The following ARHGAP15 variants were observed in gnomAD, a reference collection of about 807,000 sequenced individuals.
ARHGAP15 encodes rho GTPase-activating protein 15.
Under a neutral mutation model 63.7 loss-of-function variants are expected in ARHGAP15, and 51 were observed. That is an observed-to-expected ratio of 0.80 (90% CI 0.64 to 1.01). ARHGAP15 has a LOEUF of 1.01. Ranked by LOEUF, ARHGAP15 falls within the 50% of genes least tolerant of loss-of-function variation. ARHGAP15 has a pLI of 0.00. For missense variants in ARHGAP15, 560 were observed against 564.6 expected (o/e 0.99, Z 0.08); for synonymous variants, 191 against 193.8 (o/e 0.99, Z 0.12).
rs1491041327 is a variant in ARHGAP15, at chr2:143,330,130, AAC to A, written c.474+79531_474+79532del. Among the ~76,000 whole-genome samples, 123 of 83,514 alleles carry A rather than the reference AAC, an allele frequency of 1.5e-3. 8 individuals are homozygous for A. Among genetic ancestry groups the A allele is most frequent in the Admixed American group, 2.9e-3 (16 of 5,586 alleles). The allele number at this position is 83,514 out of a possible 152,430, so 54.8% of individuals were successfully genotyped here. ...AAAAAAAAAAAAAAAAAAAAAAAAAAACCAAAAACAAAAAACTAAACTAATGA... is the reference window on the plus strand; with the variant it reads ...AAAAAAAAAAAAAAAAAAAAAAAAAACAAAAACAAAAAACTAAACTAATGA... On this transcript the variant is annotated intron_variant, in intron 6 of 13. Transcript: ENST00000295095.
At position 143,688,470 on chromosome 2, in the gene ARHGAP15, G is replaced by C. The variant is rs550401557; in HGVS notation, c.1139-14949G>C. ...GTGGACCACAAGAAAGGCATTTCCT[G>C]TCACCAAGAGCTAAGTGGAAGCCAG... is the stretch of plus-strand genomic sequence containing the variant. On this transcript the variant is annotated intron_variant, in intron 12 of 13. Transcript: ENST00000295095. 2.6e-4 allele frequency among the ~76,000 whole-genome samples: 39 copies of C among 152,266 alleles called. No individual in the cohort carries two copies. The South Asian group carries it at 7.9e-3, about 31-fold the overall frequency.
chr2:143,540,720 C>A (rs1483674761), intron 10 of ARHGAP15, among the ~76,000 whole-genome samples: 2 of 152,284 alleles, frequency 1.3e-5, no homozygotes, highest in Admixed American at 6.5e-5. Context: ...TCTCTTCTGG[C>A]TTGTAGAGTT....
chr2:143,348,151 C>A (rs1041950560), intron 6 of ARHGAP15, among the ~76,000 whole-genome samples: 1 of 152,110 alleles, frequency 6.6e-6, no homozygotes, highest in Non-Finnish European at 1.5e-5. Flanking sequence ...ATGTCACAGT[C>A]ATTTTTGTCA....
chr2:143,719,067 GACA>G (rs1684933243), intron 13 of ARHGAP15, among the ~76,000 whole-genome samples: 1 of 152,180 alleles, frequency 6.6e-6, no homozygotes, highest in African/African-American at 2.4e-5. Context: ...ATTTCAAAGA[GACA>G]ACAAGTAGAA....
intron 6 of ARHGAP15, among the ~76,000 whole-genome samples, chr2:143,426,540 C>T (rs1356879555): frequency 6.6e-6 from 1 of 152,112 alleles, no homozygotes; most frequent in Non-Finnish European, 1.5e-5. Flanking sequence ...CAGAGAGAGT[C>T]CTCAGCTGCT....
intron 12 of ARHGAP15, chr2:143,640,947 A>G (rs1680569861): frequency 1.3e-5 from 2 of 152,148 alleles, no homozygotes; most frequent in South Asian, 2.1e-4. Context: ...CATCAGGGCC[A>G]TGTATGAACA....
At chr2:143,418,178 A>T (rs1290945605) in intron 6 of ARHGAP15, among the ~76,000 whole-genome samples, 2 of 152,188 alleles carry the variant, frequency 1.3e-5, no homozygotes, top group African/African-American at 4.8e-5. Context: ...CAACAACAGG[A>T]AGAGGATAAA....
chr2:143,346,234 T>TCACACACA (rs1558909751), intron 6 of ARHGAP15, among the ~76,000 whole-genome samples: 2 of 79,060 alleles, frequency 2.5e-5, no homozygotes, highest in African/African-American at 1.1e-4. Flanking sequence ...ACACACTCTC[T>TCACACACA]CTCACACACA....
At chr2:143,499,293 G>A (rs1234072457) in intron 9 of ARHGAP15, among the ~76,000 whole-genome samples, 1 of 152,144 alleles carries the variant, frequency 6.6e-6, no homozygotes, top group Non-Finnish European at 1.5e-5. Flanking sequence ...TGCTTTTGCA[G>A]CCAATTCAGA....
At chr2:143,460,487 G>A (rs909042117) in intron 8 of ARHGAP15, among the ~76,000 whole-genome samples, 1 of 152,124 alleles carries the variant, frequency 6.6e-6, no homozygotes, top group Non-Finnish European at 1.5e-5. Flanking sequence ...TCTTATCAAA[G>A]AGCTGGAATA....
At chr2:143,188,248 CATT>C (rs538372120) in intron 2 of ARHGAP15, among the ~76,000 whole-genome samples, 187 of 152,114 alleles carry the variant, frequency 1.2e-3, no homozygotes, top group African/African-American at 4.4e-3. Flanking sequence ...TACTAATTGA[CATT>C]ATTATTTTCT....
intron 6 of ARHGAP15, among the ~76,000 whole-genome samples, chr2:143,256,249 G>T (rs183544406): frequency 9.2e-5 from 14 of 152,106 alleles, no homozygotes; most frequent in Admixed American, 2.6e-4. Flanking sequence ...ATGTTTTGAG[G>T]GAAATTCCAG....
intron 6 of ARHGAP15, among the ~76,000 whole-genome samples, chr2:143,372,470 A>G (rs1686605664): frequency 6.6e-6 from 1 of 152,214 alleles, no homozygotes; most frequent in South Asian, 2.1e-4. Context: ...TTGAATTTTA[A>G]AATTGCTTGT....
intron 1 of ARHGAP15, among the ~76,000 whole-genome samples, chr2:143,153,062 A>G (rs977304574): frequency 3.3e-5 from 5 of 151,942 alleles, no homozygotes; most frequent in Admixed American, 6.6e-5. Flanking sequence ...CACTAGGCAA[A>G]TTATGGTTTG....
At chr2:143,579,125 A>T (rs1168798193) in intron 11 of ARHGAP15, among the ~76,000 whole-genome samples, 1 of 152,218 alleles carries the variant, frequency 6.6e-6, no homozygotes, top group Non-Finnish European at 1.5e-5. Context: ...GATGACAATG[A>T]TGCCAAAACT....
intron 13 of ARHGAP15, among the ~76,000 whole-genome samples, chr2:143,735,749 C>A (rs996588736): frequency 3.3e-5 from 5 of 151,894 alleles, no homozygotes; most frequent in Admixed American, 6.6e-5. Context: ...AGAAGAATGA[C>A]TAGAAGTCAA....
chr2:143,577,750 G>A (rs1214829230), intron 11 of ARHGAP15, among the ~76,000 whole-genome samples: 1 of 152,110 alleles, frequency 6.6e-6, no homozygotes, highest in Non-Finnish European at 1.5e-5. Flanking sequence ...AATAGAATGG[G>A]CTGATTGGCT....
At chr2:143,239,986 G>C (rs1448224896) in intron 5 of ARHGAP15, among the ~76,000 whole-genome samples, 1 of 57,934 alleles carries the variant, frequency 1.7e-5, no homozygotes, top group African/African-American at 7.2e-5. Context: ...GTGAGACTCT[G>C]TCTCAAAAAA....
chr2:143,417,123 G>A (rs887666141), intron 6 of ARHGAP15, among the ~76,000 whole-genome samples: 2 of 151,790 alleles, frequency 1.3e-5, no homozygotes, highest in African/African-American at 4.8e-5. Flanking sequence ...TAGTGCCTGA[G>A]TAAGCAGAAA....
Sources: allele counts gnomAD v4.1 joint callset (sites outside exome capture counted in the v4.1 genomes callset), GRCh38; gene constraint gnomAD v4.1.1; transcripts MANE v1.5; gene names NCBI Gene and HGNC (gene_info 2026-07-23, HGNC 2026-07-21).